FAAH2: variants seen among roughly 807,000 people sequenced by gnomAD.
The protein encoded by FAAH2 is fatty-acid amide hydrolase 2.
Under a neutral mutation model 36.9 loss-of-function variants are expected in FAAH2, and 60 were observed. The observed-to-expected ratio is 1.63, with a 90% CI of 1.32 to 2.02. The LOEUF is 2.02. Ranked by LOEUF, FAAH2 falls within the 30% of genes most tolerant of loss-of-function variation. FAAH2 has a pLI of 0.00. For missense variants in FAAH2, 689 were observed against 397.5 expected, an observed-to-expected ratio of 1.73 and a Z score of -6.23; for synonymous variants, 214 against 143.8, an observed-to-expected ratio of 1.49 and a Z score of -3.49.
chrX:57,209,707 C>A, the FAAH2 span, among the ~76,000 whole-genome samples: 1 of 111,463 alleles, frequency 9.0e-6, no homozygotes, highest in African/African-American at 3.3e-5. Flanking sequence ...AGGTCATCTG[C>A]GCCACCTGCA....
At chrX:57,320,284 A>G (rs1417207804) in intron 3 of FAAH2, among the ~76,000 whole-genome samples, 1 of 112,248 alleles carries the variant, frequency 8.9e-6, no homozygotes, top group Non-Finnish European at 1.9e-5. Flanking sequence ...ACAAAGGGTA[A>G]TATCCAGAAT....
At chrX:57,290,712 A>T (rs1389176437) in intron 1 of FAAH2, among the ~76,000 whole-genome samples, 1 of 111,146 alleles carries the variant, frequency 9.0e-6, no homozygotes, top group African/African-American at 3.3e-5. Flanking sequence ...GTTATTCTTT[A>T]AAAAAATTGC....
chrX:57,224,798 G>T, the FAAH2 span, among the ~76,000 whole-genome samples: 1 of 112,346 alleles, frequency 8.9e-6, no homozygotes, highest in African/African-American at 3.2e-5. Flanking sequence ...ACAGCATGTT[G>T]CTCCACACTG....
chrX:57,179,571 A>G, the FAAH2 span, among the ~76,000 whole-genome samples: 1 of 112,373 alleles, frequency 8.9e-6, no homozygotes, highest in Non-Finnish European at 1.9e-5. Context: ...AAGAAGACCT[A>G]TTATAAACAC....
At chrX:57,335,073 A>G (rs2053509306) in intron 4 of FAAH2, among the ~76,000 whole-genome samples, 1 of 112,048 alleles carries the variant, frequency 8.9e-6, no homozygotes, top group Middle Eastern at 4.6e-3. Context: ...CATAGCACTT[A>G]CTCTAAAATT....
At chrX:57,359,231 C>G (rs1050281090) in intron 5 of FAAH2, among the ~76,000 whole-genome samples, 4 of 111,011 alleles carry the variant, frequency 3.6e-5, no homozygotes, top group Non-Finnish European at 7.6e-5. Context: ...GATTTTACTC[C>G]TAAGAGATCT....
the FAAH2 span, among the ~76,000 whole-genome samples, chrX:57,167,646 C>A: frequency 9.0e-6 from 1 of 111,564 alleles, no homozygotes; most frequent in Non-Finnish European, 1.9e-5. Context: ...TTAAATGATT[C>A]CTTCTGCCAG....
the FAAH2 span, among the ~76,000 whole-genome samples, chrX:57,213,306 T>G: frequency 1.8e-5 from 2 of 111,666 alleles, no homozygotes; most frequent in East Asian, 2.8e-4. Flanking sequence ...TACTTTGTAT[T>G]GATTTTTGTT....
At chrX:57,131,312 C>G in the FAAH2 span, among the ~76,000 whole-genome samples, 1 of 108,748 alleles carries the variant, frequency 9.2e-6, no homozygotes, top group Non-Finnish European at 1.9e-5. Context: ...GTCTCGATCT[C>G]CTGACCTCAT....
chrX:57,128,123 C>T, the FAAH2 span, among the ~76,000 whole-genome samples: 1 of 111,554 alleles, frequency 9.0e-6, no homozygotes, highest in Admixed American at 9.5e-5. Context: ...TTTCTCATTC[C>T]ATCTATTTTG....
chrX:57,359,858 A>C (rs1192461267), intron 5 of FAAH2, among the ~76,000 whole-genome samples: 1 of 111,508 alleles, frequency 9.0e-6, no homozygotes, highest in African/African-American at 3.2e-5. Flanking sequence ...TCTTGATGGC[A>C]GGTGTAAAGG....
At position 57,291,644 on chromosome X, in the gene FAAH2, C is replaced by CT. The variant is rs759118001; in HGVS notation, c.193-848dup. On this transcript the variant is annotated intron_variant, in intron 1 of 10. Coordinates refer to ENST00000374900, the MANE Select transcript of FAAH2 (RefSeq NM_174912.4). ...ACTTGCTTTTTCTTTTCCTTTCCTT[C>CT]TTTTTTCTGTCTTGATCTGATTTCT... Among the ~76,000 whole-genome samples the CT allele has an allele frequency of 3.6e-5, 4 of 111,334 alleles. No homozygotes were observed. The South Asian group carries it at 1.5e-3, about 41-fold the overall frequency.
chrX:57,220,266 G>A, the FAAH2 span, among the ~76,000 whole-genome samples: 1 of 108,709 alleles, frequency 9.2e-6, no homozygotes, highest in African/African-American at 3.4e-5. Flanking sequence ...TTCCCAGTCA[G>A]CTGTATCCAC....
At chrX:57,194,094 G>A in the FAAH2 span, among the ~76,000 whole-genome samples, 1 of 111,489 alleles carries the variant, frequency 9.0e-6, no homozygotes, top group African/African-American at 3.3e-5. Flanking sequence ...CATTTGAGTA[G>A]GGTTGTATTA....
chrX:57,427,589 G>A (rs771340683), intron 7 of FAAH2, among the ~76,000 whole-genome samples: 61 of 111,496 alleles, frequency 5.5e-4, no homozygotes, highest in African/African-American at 1.8e-3. Flanking sequence ...AGAGATGAAA[G>A]GATGGTTCAA....
intron 3 of FAAH2, among the ~76,000 whole-genome samples, chrX:57,328,411 A>G (rs1254369513): frequency 9.0e-6 from 1 of 110,840 alleles, no homozygotes; most frequent in Non-Finnish European, 1.9e-5. Flanking sequence ...TATCAGGTTG[A>G]TTGTGTTTTT....
intron 10 of FAAH2, among the ~76,000 whole-genome samples, chrX:57,453,403 C>A (rs1016005608): frequency 3.5e-5 from 4 of 112,745 alleles, no homozygotes; most frequent in African/African-American, 1.3e-4. Context: ...CCTGCTAGAG[C>A]TTCCAGCCCA....
chrX:57,338,128 A>T (rs1270651825), intron 4 of FAAH2, among the ~76,000 whole-genome samples: 1 of 111,682 alleles, frequency 9.0e-6, no homozygotes, highest in Non-Finnish European at 1.9e-5. Context: ...GCTTTTAATC[A>T]CCTGGGTGCA....
At chrX:57,427,546 G>T (rs1433495279) in intron 7 of FAAH2, among the ~76,000 whole-genome samples, 2 of 111,238 alleles carry the variant, frequency 1.8e-5, no homozygotes, top group Admixed American at 9.6e-5. Context: ...ACATCAAAAG[G>T]ATAATACATC....
Sources: allele counts gnomAD v4.1 joint callset (sites outside exome capture counted in the v4.1 genomes callset), GRCh38; gene constraint gnomAD v4.1.1; transcripts MANE v1.5; gene names NCBI Gene and HGNC (gene_info 2026-07-23, HGNC 2026-07-21).